Variants in SPAG9 observed in about 807,000 individuals in gnomAD.
SPAG9 encodes the protein sperm associated antigen 9, also known as C-Jun-amino-terminal kinase-interacting protein 4.
A neutral mutation model predicts 166.5 loss-of-function variants in SPAG9; 35 were observed. The observed-to-expected ratio is 0.21, with a 90% CI of 0.16 to 0.28. The LOEUF (loss-of-function observed/expected upper bound fraction) is 0.28, where lower values mean the gene tolerates loss of function less well. Ranked by LOEUF, SPAG9 falls within the 10% of genes least tolerant of loss-of-function variation. SPAG9 has a pLI of 1.00. For synonymous variants in SPAG9, 534 were observed against 565.5 expected (o/e 0.94, Z 0.79); for missense variants, 1,235 against 1,603.3 (o/e 0.77, Z 3.92).
intron 9 of SPAG9, among the ~76,000 whole-genome samples, chr17:51,011,400 T>G (rs965665569): frequency 1.3e-5 from 2 of 151,736 alleles, no homozygotes; most frequent in African/African-American, 4.8e-5. Context: ...TTTTTTTTTT[T>G]GAGACGGAGT....
At chr17:51,006,024 G>A in intron 11 of SPAG9, 61 bp downstream of exon 11, 1 of 1,574,254 alleles carries the variant, frequency 6.4e-7, no homozygotes, top group African/African-American at 1.3e-5. Flanking sequence ...GGTTACATCT[G>A]TAACCCTTTG....
intron 16 of SPAG9, 73 bp from the exon 17 acceptor site, chr17:50,995,606 C>T (rs2143886787): frequency 2.3e-6 from 2 of 880,058 alleles, no homozygotes; most frequent in Non-Finnish European, 3.8e-6. Flanking sequence ...ATTACAGATC[C>T]ACTGAGACAT....
intron 4 of SPAG9, among the ~76,000 whole-genome samples, chr17:51,043,976 T>C (rs1054496150): frequency 2.6e-5 from 4 of 152,258 alleles, no homozygotes; most frequent in African/African-American, 7.2e-5. Context: ...AAATTGCAAA[T>C]AGAATTCCCA....
At chr17:51,089,655 T>C (rs1199457810) in intron 1 of SPAG9, among the ~76,000 whole-genome samples, 23 of 104,694 alleles carry the variant, frequency 2.2e-4, no homozygotes, top group African/African-American at 6.5e-4. Flanking sequence ...TATATATATA[T>C]ATATATATAC....
At chr17:50,982,141 C>A (rs975662461) in intron 25 of SPAG9, among the ~76,000 whole-genome samples, 1 of 152,154 alleles carries the variant, frequency 6.6e-6, no homozygotes, top group African/African-American at 2.4e-5. Flanking sequence ...CTGGGACACA[C>A]ATGTGGATGT....
chr17:51,050,287 C>T (rs1007845031), intron 3 of SPAG9, among the ~76,000 whole-genome samples: 4 of 152,150 alleles, frequency 2.6e-5, no homozygotes, highest in African/African-American at 9.7e-5. Flanking sequence ...AAAGAGAGAA[C>T]AATAACAACA....
At chr17:51,014,624 G>C (rs2045624028) in intron 8 of SPAG9, 1 of 293,544 alleles carries the variant, frequency 3.4e-6, no homozygotes, top group African/African-American at 2.2e-5. Context: ...TCTATACCAG[G>C]TGCTGGTCTC....
chr17:51,095,984 T>TG (rs1568083930), intron 1 of SPAG9, among the ~76,000 whole-genome samples: 1 of 120,592 alleles, frequency 8.3e-6, no homozygotes, highest in East Asian at 2.4e-4. Flanking sequence ...GATATATATA[T>TG]ATATAGTGAT....
chr17:51,014,135 T>C, intron 9 of SPAG9, 97 bp downstream of exon 9: 1 of 1,044,870 alleles, frequency 9.6e-7, no homozygotes, highest in Non-Finnish European at 1.3e-6. Flanking sequence ...CCTGTATCAC[T>C]GAGCAGTTGG....
At chr17:51,051,841 T>C (rs2047193728) in intron 3 of SPAG9, among the ~76,000 whole-genome samples, 1 of 152,186 alleles carries the variant, frequency 6.6e-6, no homozygotes, top group Non-Finnish European at 1.5e-5. Flanking sequence ...AAAATGGGAA[T>C]GGATGAGAAT....
intron 1 of SPAG9, among the ~76,000 whole-genome samples, chr17:51,119,948 T>C (rs2049423320): frequency 6.6e-6 from 1 of 152,176 alleles, no homozygotes; most frequent in Admixed American, 6.5e-5. Context: ...GGAAGTTACA[T>C]ATCCAGGGCA....
At chr17:51,113,591 A>G (rs2049189311) in intron 1 of SPAG9, among the ~76,000 whole-genome samples, 1 of 151,324 alleles carries the variant, frequency 6.6e-6, no homozygotes, top group African/African-American at 2.4e-5. Flanking sequence ...GAGGCAGGAG[A>G]ACTGCTTGAA....
At chr17:51,048,652 C>T (rs1393792759) in intron 3 of SPAG9, among the ~76,000 whole-genome samples, 1 of 151,920 alleles carries the variant, frequency 6.6e-6, no homozygotes. Flanking sequence ...ACAAAGCTTG[C>T]TTTTGTTGTA....
At chr17:51,081,010 C>T (rs2048149201) in intron 1 of SPAG9, among the ~76,000 whole-genome samples, 1 of 149,364 alleles carries the variant, frequency 6.7e-6, no homozygotes, top group African/African-American at 2.5e-5. Context: ...AGGACCAAAA[C>T]TCTGGAGTCA....
At chr17:51,038,948 A>G (rs1380454380) in intron 5 of SPAG9, among the ~76,000 whole-genome samples, 1 of 152,184 alleles carries the variant, frequency 6.6e-6, no homozygotes, top group African/African-American at 2.4e-5. Context: ...TAGAAAATCT[A>G]TTAGATTATT....
intron 1 of SPAG9, among the ~76,000 whole-genome samples, chr17:51,118,083 C>T (rs555139328): frequency 3.3e-5 from 5 of 150,596 alleles, no homozygotes; most frequent in African/African-American, 9.8e-5. Flanking sequence ...GGCAGTGAGC[C>T]GAGATCGTGC....
chr17:50,985,562 A>T (rs1974987199), intron 23 of SPAG9, 136 bp downstream of exon 23: 1 of 579,604 alleles, frequency 1.7e-6, no homozygotes, highest in Non-Finnish European at 3.0e-6. Flanking sequence ...CTCTAGTTCC[A>T]TAAAAAGGGT....
intron 6 of SPAG9, among the ~76,000 whole-genome samples, chr17:51,027,693 C>T (rs2046237590): frequency 6.6e-6 from 1 of 152,048 alleles, no homozygotes; most frequent in Non-Finnish European, 1.5e-5. Context: ...TATTGCACTG[C>T]CAGGTGTATA....
At chr17:51,019,347 GT>G (rs1393269989) in intron 8 of SPAG9, among the ~76,000 whole-genome samples, 1 of 151,964 alleles carries the variant, frequency 6.6e-6, no homozygotes, top group African/African-American at 2.4e-5. Flanking sequence ...CACCTCAGGA[GT>G]TTGACACCAG....
Sources: allele counts gnomAD v4.1 joint callset (sites outside exome capture counted in the v4.1 genomes callset), GRCh38; gene constraint gnomAD v4.1.1; transcripts MANE v1.5; gene names NCBI Gene and HGNC (gene_info 2026-07-23, HGNC 2026-07-21).